KCNIP4: variants seen among roughly 807,000 people sequenced by gnomAD.
The protein encoded by KCNIP4 is Kv channel-interacting protein 4.
In KCNIP4, 12 loss-of-function variants were observed where a neutral mutation model predicts 34.0. The ratio of observed to expected loss-of-function variants is 0.35; its 90% CI spans 0.23 to 0.57. KCNIP4 has a LOEUF of 0.57. KCNIP4 is among the 20% of genes least tolerant of loss of function. The pLI, the probability that KCNIP4 is intolerant of heterozygous loss-of-function variation, is 0.83. For missense variants in KCNIP4, 238 were observed against 311.7 expected (o/e 0.76, Z 1.78); for synonymous variants, 124 against 102.2 (o/e 1.21, Z -1.29).
intron 1 of KCNIP4, among the ~76,000 whole-genome samples, chr4:21,865,820 G>A (rs968147044): frequency 6.6e-6 from 1 of 151,914 alleles, no homozygotes; most frequent in African/African-American, 2.4e-5. Flanking sequence ...TGGGATTACA[G>A]GCATGAGCCA....
chr4:21,635,541 C>T (rs1361932463), intron 1 of KCNIP4, among the ~76,000 whole-genome samples: 2 of 152,112 alleles, frequency 1.3e-5, no homozygotes, highest in African/African-American at 2.4e-5. Flanking sequence ...TGAAAAAATG[C>T]TCATCATCAC....
intron 1 of KCNIP4, among the ~76,000 whole-genome samples, chr4:21,077,338 TG>T (rs1297803788): frequency 2.0e-5 from 3 of 152,124 alleles, no homozygotes; most frequent in Admixed American, 6.6e-5. Context: ...TTAAAATATT[TG>T]AAGAAGTTAC....
chr4:20,916,231 C>A (rs1491369), intron 1 of KCNIP4: 1 of 676,394 alleles, frequency 1.5e-6, no homozygotes, highest in Non-Finnish European at 1.8e-6. Flanking sequence ...CAGGTTCTCT[C>A]TATGATTTCT....
rs369866497 is a variant in KCNIP4, at chr4:21,111,808, A to G, written c.62-229099T>C. Reference sequence around the variant, plus strand: ...TGGAGACAGTGCGGAGAAATGATGGAGACCCAGACATGACCCACGTCATGC... The same window carrying G: ...TGGAGACAGTGCGGAGAAATGATGGGGACCCAGACATGACCCACGTCATGC... On this transcript the variant is annotated intron_variant, in intron 1 of 8. Coordinates refer to ENST00000382152, the MANE Select transcript of KCNIP4 (RefSeq NM_025221.6). Among the ~76,000 whole-genome samples, 34 of 152,274 alleles carry G rather than the reference A, an allele frequency of 2.2e-4. No homozygotes were observed. In the East Asian group the frequency reaches 6.2e-3, roughly 28 times the overall value.
At chr4:21,569,642 C>A (rs1740208051) in intron 1 of KCNIP4, among the ~76,000 whole-genome samples, 2 of 152,186 alleles carry the variant, frequency 1.3e-5, no homozygotes, top group South Asian at 4.2e-4. Flanking sequence ...GAAGGATGTT[C>A]TATTAATCAG....
Position 21,232,084 on chromosome 4 carries a change from C to T in KCNIP4, c.62-349375G>A, listed in dbSNP as rs1758830887. On this transcript the variant is annotated intron_variant, in intron 1 of 8. Coordinates refer to ENST00000382152, the MANE Select transcript of KCNIP4 (RefSeq NM_025221.6). ...ACAGGCGGCCTTGATTCACCACTGCCGATAAATTGCTGGGTAGAATGAATG... is the reference window on the plus strand; with the variant it reads ...ACAGGCGGCCTTGATTCACCACTGCTGATAAATTGCTGGGTAGAATGAATG... Among the ~76,000 whole-genome samples the T allele has an allele frequency of 2.0e-5, 3 of 152,082 alleles. No homozygotes were observed. In the South Asian group the frequency reaches 6.2e-4, roughly 32 times the overall value.
rs571616532 is a variant in KCNIP4 at position 21,103,513 on chromosome 4, G to A, written c.62-220804C>T. Among the ~76,000 whole-genome samples the A allele has an allele frequency of 6.6e-5, 10 of 150,628 alleles. No homozygotes were observed. In the East Asian group the frequency reaches 1.8e-3, roughly 26 times the overall value. On this transcript the variant is annotated intron_variant, in intron 1 of 8. Coordinates refer to ENST00000382152, the MANE Select transcript of KCNIP4 (RefSeq NM_025221.6). ...TATCTAATAAAAACTTAAATCAGTG[G>A]AGACTTTATTCAAATATACTTCCCA...
intron 3 of KCNIP4, among the ~76,000 whole-genome samples, chr4:20,824,074 C>A (rs926751604): frequency 6.6e-6 from 1 of 152,112 alleles, no homozygotes. Flanking sequence ...ATGGTATCTA[C>A]CTCATAGTGT....
chr4:20,936,327 C>G lies in KCNIP4; in HGVS notation c.62-53618G>C, dbSNP rs565552501. 3.3e-5 allele frequency among the ~76,000 whole-genome samples: 5 copies of G among 152,190 alleles called. No individual in the cohort carries two copies. The East Asian group carries it at 9.7e-4, about 29-fold the overall frequency. On this transcript the variant is annotated intron_variant, in intron 1 of 8. Coordinates refer to ENST00000382152, the MANE Select transcript of KCNIP4 (RefSeq NM_025221.6). ...CTCAGTGGGGACTACCTAACACAAC[C>G]ATAGTATAGAAAACGGGTTCATTTA...
chr4:21,826,446 T>C (rs957288817), intron 1 of KCNIP4, among the ~76,000 whole-genome samples: 2 of 152,126 alleles, frequency 1.3e-5, no homozygotes, highest in African/African-American at 2.4e-5. Context: ...TCAGATATCT[T>C]GATCGTAGCT....
intron 1 of KCNIP4, among the ~76,000 whole-genome samples, chr4:21,463,597 T>C (rs66993458): frequency 0.12 from 17,801 of 152,070 alleles, 1,232 homozygotes; most frequent in South Asian, 0.16. Flanking sequence ...TTCCTTTTTA[T>C]TGCCAGTGTT....
At chr4:20,990,513 T>C (rs1736996881) in intron 1 of KCNIP4, among the ~76,000 whole-genome samples, 1 of 152,192 alleles carries the variant, frequency 6.6e-6, no homozygotes. Context: ...CTACCTTCCA[T>C]CCTAAGACAC....
At chr4:21,600,036 G>A (rs1026646647) in intron 1 of KCNIP4, among the ~76,000 whole-genome samples, 1 of 152,050 alleles carries the variant, frequency 6.6e-6, no homozygotes, top group African/African-American at 2.4e-5. Context: ...CACATCTTAA[G>A]AAGTATTGAT....
intron 1 of KCNIP4, among the ~76,000 whole-genome samples, chr4:21,366,820 A>G (rs1719820466): frequency 6.6e-6 from 1 of 152,066 alleles, no homozygotes; most frequent in African/African-American, 2.4e-5. Context: ...GGAGGGAGGG[A>G]GAGAGGTAGT....
At chr4:20,762,791 T>C (rs1238720507) in intron 3 of KCNIP4, among the ~76,000 whole-genome samples, 1 of 152,216 alleles carries the variant, frequency 6.6e-6, no homozygotes, top group Non-Finnish European at 1.5e-5. Context: ...AGCAGTTGTG[T>C]TAGTTCATTT....
intron 1 of KCNIP4, chr4:21,848,838 T>C (rs1174368290): frequency 6.6e-6 from 1 of 152,092 alleles, no homozygotes; most frequent in Admixed American, 6.6e-5. Flanking sequence ...ATGTTCACTC[T>C]GGTAGCAAGT....
intron 1 of KCNIP4, among the ~76,000 whole-genome samples, chr4:21,073,304 A>G (rs1256433410): frequency 1.3e-5 from 2 of 152,056 alleles, no homozygotes. Flanking sequence ...CATTATTTGT[A>G]TCCTCTTCTA....
At chr4:21,577,229 A>T (rs1352614822) in intron 1 of KCNIP4, among the ~76,000 whole-genome samples, 1 of 152,132 alleles carries the variant, frequency 6.6e-6, no homozygotes, top group East Asian at 1.9e-4. Flanking sequence ...CTTGACTCTA[A>T]CTGGACAGCA....
intron 1 of KCNIP4, among the ~76,000 whole-genome samples, chr4:21,533,388 C>T (rs919607095): frequency 6.6e-6 from 1 of 152,104 alleles, no homozygotes; most frequent in South Asian, 2.1e-4. Flanking sequence ...AATGGGTTGA[C>T]TGATTTTTAA....
Sources: gnomAD v4.1 joint callset for allele counts (sites outside exome capture counted in the v4.1 genomes callset) on GRCh38, gnomAD v4.1.1 for gene constraint, MANE v1.5 for transcripts, NCBI Gene and HGNC (gene_info 2026-07-23, HGNC 2026-07-21) for gene names.